Variants in TMCO4 observed in about 807,000 individuals in gnomAD.
TMCO4 encodes the protein transmembrane and coiled-coil domain-containing protein 4.
In TMCO4, 58 loss-of-function variants were observed where a neutral mutation model predicts 64.7. The ratio of observed to expected loss-of-function variants is 0.90; its 90% CI spans 0.73 to 1.12. The LOEUF (loss-of-function observed/expected upper bound fraction) is 1.12, where lower values mean the gene tolerates loss of function less well. Ranked by LOEUF, TMCO4 falls within the 50% of genes most tolerant of loss-of-function variation. TMCO4 has a pLI of 0.00. For missense variants in TMCO4, 780 were observed against 825.9 expected (o/e 0.94, Z 0.68); for synonymous variants, 325 against 346.1 (o/e 0.94, Z 0.68).
chr1:19,740,765 G>A lies in TMCO4; in HGVS notation c.1042+12C>T. 1 of 1,601,410 alleles carries A rather than the reference G, an allele frequency of 6.2e-7. No homozygotes were observed. The highest frequency in any genetic ancestry group is 8.5e-7 in the Non-Finnish European group (1 of 1,172,924). ...GGCATGCTGTTGTTGGGGGGCAGGT[G>A]GGGGCACTTACCAGACAACACTGTG... On this transcript the variant is annotated intron_variant, in intron 11 of 15. Transcript: ENST00000294543.
chr1:19,756,909 T>C (rs957456843), intron 6 of TMCO4, among the ~76,000 whole-genome samples: 22 of 152,220 alleles, frequency 1.4e-4, no homozygotes, highest in African/African-American at 5.3e-4. Context: ...AATGCTTATA[T>C]AATGAAACAA....
chr1:19,719,453 T>C (rs2095371545), intron 13 of TMCO4, among the ~76,000 whole-genome samples: 1 of 152,204 alleles, frequency 6.6e-6, no homozygotes, highest in Admixed American at 6.5e-5. Flanking sequence ...CAGATAAACA[T>C]AATAACCATA....
At chr1:19,711,831 A>G (rs2095332109) in intron 13 of TMCO4, among the ~76,000 whole-genome samples, 1 of 151,774 alleles carries the variant, frequency 6.6e-6, no homozygotes. Context: ...CTAATTTTGT[A>G]TTTTTAGTAG....
chr1:19,770,091 G>C (rs1238537415), intron 6 of TMCO4, among the ~76,000 whole-genome samples: 1 of 152,238 alleles, frequency 6.6e-6, no homozygotes, highest in Non-Finnish European at 1.5e-5. Flanking sequence ...TGAGTGCAGA[G>C]GGAGCCACTT....
intron 7 of TMCO4, 138 bp from the exon 8 acceptor site, chr1:19,747,398 G>A: frequency 1.3e-6 from 1 of 747,996 alleles, no homozygotes; most frequent in Non-Finnish European, 2.3e-6. Flanking sequence ...AAGTCACCTT[G>A]AGCCCACTGA....
In TMCO4 at chr1:19,769,637, A is replaced by C. The variant is rs77897823; in HGVS notation, c.382+905T>G. On this transcript the variant is annotated intron_variant, in intron 6 of 15. Coordinates refer to ENST00000294543, the MANE Select transcript of TMCO4 (RefSeq NM_181719.7). ...TAAACATCAGAGGTCACTGCATAAA[A>C]GCGTCTCCCCAGTTTAGAGAACAGA... Among the ~76,000 whole-genome samples, 241 of 152,322 alleles carry C rather than the reference A, an allele frequency of 1.6e-3. 4 individuals are homozygous for C. In the East Asian group the frequency reaches 0.025, roughly 15 times the overall value.
chr1:19,739,308 A>G (rs12125822), intron 12 of TMCO4, among the ~76,000 whole-genome samples: 2 of 152,200 alleles, frequency 1.3e-5, no homozygotes, highest in Non-Finnish European at 2.9e-5. Context: ...ACCATTTTAC[A>G]TGGTATTTAG....
Position 19,770,490 on chromosome 1 carries a change from C to A in TMCO4, c.382+52G>T, listed in dbSNP as rs189842482. On this transcript the variant is annotated intron_variant, in intron 6 of 15. Coordinates refer to ENST00000294543, the MANE Select transcript of TMCO4 (RefSeq NM_181719.7). ...GGCACCTCTCACTGGCTTTGCTAGC[C>A]AAGGGTGCAGATGGGTACCCACCAT... 8.4e-5 allele frequency: 136 copies of A among 1,610,092 alleles called. 1 individual carries two copies. The African/African-American group carries it at 1.7e-3, about 20-fold the overall frequency.
chr1:19,693,444 C>T (rs1008877456), intron 15 of TMCO4, among the ~76,000 whole-genome samples: 6 of 152,106 alleles, frequency 3.9e-5, no homozygotes, highest in African/African-American at 1.4e-4. Context: ...CACCATTGCA[C>T]TCCAGACTGG....
At chr1:19,773,573 C>T (rs1271094559) in intron 4 of TMCO4, among the ~76,000 whole-genome samples, 1 of 152,168 alleles carries the variant, frequency 6.6e-6, no homozygotes, top group Non-Finnish European at 1.5e-5. Context: ...CAGCTCAGGG[C>T]TGTGCTGGCA....
chr1:19,734,252 T>C lies in TMCO4; in HGVS notation c.1264+3120A>G, dbSNP rs1226963610. ...GAAGGTGCTGAAGGCAGATCATGAG[T>C]GGGGCCCTGTGAGTCATGCTGGGAC... On this transcript the variant is annotated intron_variant, in intron 13 of 15. Coordinates refer to ENST00000294543, the MANE Select transcript of TMCO4 (RefSeq NM_181719.7). This position sits in a 1 kb window ranked among gnomAD's most constrained non-coding sequence, Gnocchi z 4.4. Among the ~76,000 whole-genome samples, 1 of 151,842 alleles carries C rather than the reference T, an allele frequency of 6.6e-6. No homozygotes were observed. The highest frequency in any genetic ancestry group is 1.5e-5 in the Non-Finnish European group (1 of 67,958).
At chr1:19,774,053 G>C (rs2043102279) in intron 4 of TMCO4, among the ~76,000 whole-genome samples, 1 of 152,210 alleles carries the variant, frequency 6.6e-6, no homozygotes, top group Non-Finnish European at 1.5e-5. Context: ...AACACTGTCT[G>C]GCACCAGTGA....
chr1:19,728,878 G>C (rs1033858218), intron 13 of TMCO4, among the ~76,000 whole-genome samples: 4 of 152,192 alleles, frequency 2.6e-5, no homozygotes, highest in African/African-American at 4.8e-5. Flanking sequence ...AAGGAGACAG[G>C]GTCAGTGAGA....
chr1:19,781,320 AG>A (rs966851304), intron 3 of TMCO4, among the ~76,000 whole-genome samples: 3 of 152,050 alleles, frequency 2.0e-5, no homozygotes, highest in African/African-American at 7.2e-5. Context: ...TAAAATAATT[AG>A]CTGGGCATGG....
intron 14 of TMCO4, among the ~76,000 whole-genome samples, chr1:19,695,363 G>C (rs916790669): frequency 1.3e-5 from 2 of 152,194 alleles, no homozygotes; most frequent in African/African-American, 4.8e-5. Flanking sequence ...GAACTGTCTT[G>C]GGATGCAGCT....
intron 2 of TMCO4, among the ~76,000 whole-genome samples, chr1:19,797,895 A>AGAGAGAGGGAGG (rs1302088441): frequency 0.014 from 1,753 of 127,948 alleles, 66 homozygotes; most frequent in Non-Finnish European, 0.022. Context: ...AGAAAGAGAG[A>AGAGAGAGGGAGG]GAGAGAGGGA....
intron 13 of TMCO4, among the ~76,000 whole-genome samples, chr1:19,711,388 A>G (rs974149936): frequency 2.6e-5 from 4 of 152,180 alleles, no homozygotes; most frequent in Non-Finnish European, 1.5e-5. Flanking sequence ...CACTTTCAAC[A>G]TGCCTTTCTT....
intron 3 of TMCO4, among the ~76,000 whole-genome samples, chr1:19,782,961 C>T (rs1047688821): frequency 2.0e-5 from 3 of 152,214 alleles, no homozygotes; most frequent in Admixed American, 6.5e-5. Context: ...GTAAAGGACA[C>T]AGCCCATGTG....
intron 6 of TMCO4, among the ~76,000 whole-genome samples, chr1:19,764,103 C>A (rs1211738645): frequency 6.6e-6 from 1 of 152,238 alleles, no homozygotes; most frequent in Non-Finnish European, 1.5e-5. Context: ...AGAGAAGCAG[C>A]TCCTTTGGTT....
Sources: gnomAD v4.1 joint callset for allele counts (sites outside exome capture counted in the v4.1 genomes callset) on GRCh38, gnomAD v4.1.1 for gene constraint, Gnocchi (gnomAD v3.1) non-coding constraint, MANE v1.5 for transcripts, NCBI Gene and HGNC (gene_info 2026-07-23, HGNC 2026-07-21) for gene names.